TCERG1L: variants seen among roughly 807,000 people sequenced by gnomAD.
TCERG1L encodes the protein transcription elongation regulator 1 like, also known as transcription elongation regulator 1-like protein.
Under a neutral mutation model 56.3 loss-of-function variants are expected in TCERG1L, and 37 were observed. The observed-to-expected ratio is 0.66, with a 90% CI of 0.51 to 0.87. TCERG1L has a LOEUF of 0.87. Among genes scored for constraint, TCERG1L ranks in the 40% least tolerant of loss-of-function variants. The pLI is 0.00. For synonymous variants in TCERG1L, 324 were observed against 326.3 expected (o/e 0.99, Z 0.08); for missense variants, 799 against 774.2 (o/e 1.03, Z -0.38).
chr10:131,222,233 T>C (rs1222511896), intron 4 of TCERG1L, among the ~76,000 whole-genome samples: 1 of 152,258 alleles, frequency 6.6e-6, no homozygotes, highest in African/African-American at 2.4e-5. Context: ...GAGTGAATTA[T>C]TGGTGCATAC....
chr10:131,294,585 C>A (rs143600660), intron 3 of TCERG1L, among the ~76,000 whole-genome samples: 1 of 152,188 alleles, frequency 6.6e-6, no homozygotes, highest in Non-Finnish European at 1.5e-5. Flanking sequence ...CTAGCTCCCA[C>A]GCCAGGATTA....
intron 7 of TCERG1L, among the ~76,000 whole-genome samples, chr10:131,135,387 G>A (rs1312687975): frequency 6.6e-6 from 1 of 152,160 alleles, no homozygotes; most frequent in Admixed American, 6.5e-5. Context: ...ACAGCGCTCA[G>A]CTCAGGATGA....
At chr10:131,112,095 A>T (rs574672045) in intron 9 of TCERG1L, among the ~76,000 whole-genome samples, 1 of 142,366 alleles carries the variant, frequency 7.0e-6, no homozygotes, top group East Asian at 2.4e-4. Flanking sequence ...GAAGTTCAAG[A>T]CCCCTGAGAG....
chr10:131,306,342 T>C (rs886997073), intron 3 of TCERG1L, among the ~76,000 whole-genome samples: 11 of 152,126 alleles, frequency 7.2e-5, no homozygotes, highest in Non-Finnish European at 2.9e-5. Context: ...ATTATTAAAT[T>C]ACCTTTGGTG....
chr10:131,285,620 T>C (rs1237984126), intron 3 of TCERG1L, among the ~76,000 whole-genome samples: 1 of 150,926 alleles, frequency 6.6e-6, no homozygotes, highest in East Asian at 1.9e-4. Context: ...CACAAGAACG[T>C]GGACTAAAGA....
chr10:131,290,725 A>G (rs1439034911), intron 3 of TCERG1L, among the ~76,000 whole-genome samples: 1 of 151,844 alleles, frequency 6.6e-6, no homozygotes, highest in Non-Finnish European at 1.5e-5. Context: ...GATTTTATTC[A>G]TGACTGAAGG....
intron 6 of TCERG1L, among the ~76,000 whole-genome samples, chr10:131,158,235 T>C (rs1229525640): frequency 1.3e-5 from 2 of 152,212 alleles, no homozygotes; most frequent in Non-Finnish European, 2.9e-5. Flanking sequence ...CTCATCACTT[T>C]TAAACCAGTT....
chr10:131,216,424 T>C (rs533880531), intron 4 of TCERG1L, among the ~76,000 whole-genome samples: 1 of 152,282 alleles, frequency 6.6e-6, no homozygotes, highest in Non-Finnish European at 1.5e-5. Context: ...GTTTGGACAA[T>C]ATCTTGCTTC....
chr10:131,272,024 C>T (rs1202696660), intron 3 of TCERG1L, among the ~76,000 whole-genome samples: 3 of 152,174 alleles, frequency 2.0e-5, no homozygotes, highest in African/African-American at 7.2e-5. Flanking sequence ...AGAAGACAGG[C>T]CCAGCAAGCT....
intron 3 of TCERG1L, among the ~76,000 whole-genome samples, chr10:131,272,993 G>A (rs1018059950): frequency 6.6e-6 from 1 of 152,142 alleles, no homozygotes; most frequent in Non-Finnish European, 1.5e-5. Context: ...TGATGGGGAG[G>A]GTCTGTCCAT....
chr10:131,144,789 ACT>A (rs1845777062), intron 7 of TCERG1L, among the ~76,000 whole-genome samples: 1 of 152,190 alleles, frequency 6.6e-6, no homozygotes, highest in African/African-American at 2.4e-5. Context: ...TAAAACCTTA[ACT>A]CTCTACCTTT....
At chr10:131,236,401 G>A (rs1845913123) in intron 4 of TCERG1L, among the ~76,000 whole-genome samples, 1 of 152,126 alleles carries the variant, frequency 6.6e-6, no homozygotes, top group African/African-American at 2.4e-5. Flanking sequence ...ACATGACACA[G>A]CCATGCTGAC....
intron 4 of TCERG1L, among the ~76,000 whole-genome samples, chr10:131,237,721 G>A (rs1284636466): frequency 6.6e-6 from 1 of 152,176 alleles, no homozygotes; most frequent in Non-Finnish European, 1.5e-5. Context: ...AGCTAGTCCA[G>A]GCATCGGCGG....
chr10:131,114,970 C>T (rs1845441070), intron 9 of TCERG1L, among the ~76,000 whole-genome samples: 3 of 152,332 alleles, frequency 2.0e-5, no homozygotes, highest in African/African-American at 2.4e-5. Context: ...CCGTGCAGTC[C>T]GAGGGACACA....
chr10:131,108,125 G>T (rs969499277), intron 9 of TCERG1L, among the ~76,000 whole-genome samples: 1 of 152,170 alleles, frequency 6.6e-6, no homozygotes, highest in African/African-American at 2.4e-5. Flanking sequence ...CTAAGTGGCC[G>T]TGGACAAAAC....
At chr10:131,130,651 C>T (rs143846316) in intron 8 of TCERG1L, among the ~76,000 whole-genome samples, 1 of 152,322 alleles carries the variant, frequency 6.6e-6, no homozygotes, top group African/African-American at 2.4e-5. Context: ...TAATACAGAA[C>T]AAATACGTTC....
intron 3 of TCERG1L, among the ~76,000 whole-genome samples, chr10:131,262,409 G>T (rs1193742782): frequency 6.6e-6 from 1 of 152,180 alleles, no homozygotes; most frequent in Non-Finnish European, 1.5e-5. Context: ...TCGTGATAAT[G>T]AACATATCTA....
chr10:131,112,551 C>T (rs1460669220), intron 9 of TCERG1L, among the ~76,000 whole-genome samples: 1 of 142,332 alleles, frequency 7.0e-6, no homozygotes, highest in African/African-American at 2.5e-5. Context: ...TTTGCCTGCT[C>T]GCAGGGATGG....
intron 4 of TCERG1L, among the ~76,000 whole-genome samples, chr10:131,169,312 C>T (rs1040288519): frequency 3.9e-5 from 6 of 152,048 alleles, no homozygotes; most frequent in African/African-American, 9.7e-5. Context: ...ATTAAAAAAC[C>T]CAGGGCTCTG....
Sources: allele counts gnomAD v4.1 joint callset (sites outside exome capture counted in the v4.1 genomes callset), GRCh38; gene constraint gnomAD v4.1.1; transcripts MANE v1.5; gene names NCBI Gene and HGNC (gene_info 2026-07-23, HGNC 2026-07-21).